Variants in PRR16 observed in about 807,000 individuals in gnomAD.
PRR16 encodes the protein protein Largen.
Under a neutral mutation model 18.2 loss-of-function variants are expected in PRR16, and 6 were observed. The observed-to-expected ratio is 0.33, with a 90% CI of 0.18 to 0.65. The LOEUF is 0.65. Ranked by LOEUF, PRR16 falls within the 30% of genes least tolerant of loss-of-function variation. The probability of loss-of-function intolerance (pLI) is 0.74; values close to 1 mark genes in which losing one functional copy is unlikely to be tolerated. For synonymous variants in PRR16, 151 were observed against 147.8 expected, an observed-to-expected ratio of 1.02 and a Z score of -0.16; for missense variants, 412 against 376.6, an observed-to-expected ratio of 1.09 and a Z score of -0.78.
At chr5:120,701,070 G>A in the PRR16 span, among the ~76,000 whole-genome samples, 5 of 152,210 alleles carry the variant, frequency 3.3e-5, no homozygotes, top group Admixed American at 6.5e-5. Context: ...TCCTGTGGGA[G>A]GAGGTTCTGG....
the PRR16 span, among the ~76,000 whole-genome samples, chr5:120,750,959 C>A: frequency 6.6e-6 from 1 of 152,132 alleles, no homozygotes; most frequent in African/African-American, 2.4e-5. Flanking sequence ...CATTTTCCAG[C>A]CACTGGTAAC....
At chr5:120,733,993 G>GA in the PRR16 span, among the ~76,000 whole-genome samples, 17 of 150,794 alleles carry the variant, frequency 1.1e-4, no homozygotes, top group African/African-American at 3.2e-4. Context: ...TGTGTAGGCA[G>GA]AAAAAAAAAT....
chr5:120,586,465 C>G (rs568562825), intron 1 of PRR16, among the ~76,000 whole-genome samples: 189 of 152,178 alleles, frequency 1.2e-3, no homozygotes, highest in Admixed American at 2.6e-3. Flanking sequence ...AACCCTGTGT[C>G]TAGCAAATTT....
intron 1 of PRR16, among the ~76,000 whole-genome samples, chr5:120,502,427 T>C (rs1190051409): frequency 6.6e-6 from 1 of 151,324 alleles, no homozygotes; most frequent in Non-Finnish European, 1.5e-5. Context: ...TAATAGTCAC[T>C]CAAGGGTTAA....
chr5:120,553,585 T>G (rs549932451), intron 1 of PRR16, among the ~76,000 whole-genome samples: 1 of 152,070 alleles, frequency 6.6e-6, no homozygotes, highest in South Asian at 2.1e-4. Flanking sequence ...AGAGAGATTT[T>G]AAAGCCAAAC....
chr5:120,534,312 A>G (rs1265075654), intron 1 of PRR16, among the ~76,000 whole-genome samples: 3 of 152,136 alleles, frequency 2.0e-5, no homozygotes, highest in Admixed American at 6.5e-5. Context: ...ACACACATCT[A>G]TTGGTTTTTG....
the PRR16 span, among the ~76,000 whole-genome samples, chr5:120,760,958 C>T: frequency 6.6e-6 from 1 of 152,020 alleles, no homozygotes; most frequent in Non-Finnish European, 1.5e-5. Flanking sequence ...AGTTGCTTGT[C>T]CTACAGTTCT....
intron 1 of PRR16, among the ~76,000 whole-genome samples, chr5:120,570,530 G>A (rs1157388680): frequency 6.6e-6 from 1 of 152,092 alleles, no homozygotes; most frequent in South Asian, 2.1e-4. Flanking sequence ...TTACATGCAA[G>A]TACCCAGGAT....
the PRR16 span, among the ~76,000 whole-genome samples, chr5:120,766,826 A>C: frequency 6.6e-6 from 1 of 151,966 alleles, no homozygotes; most frequent in African/African-American, 2.4e-5. Context: ...AATGCCAGTA[A>C]ATGAAAAAAA....
chr5:120,539,876 T>C (rs1458449451), intron 1 of PRR16, among the ~76,000 whole-genome samples: 1 of 152,072 alleles, frequency 6.6e-6, no homozygotes, highest in Non-Finnish European at 1.5e-5. Flanking sequence ...ACATGTGTAA[T>C]GGTAGAGATG....
At chr5:120,653,750 C>G (rs545683578) in intron 1 of PRR16, among the ~76,000 whole-genome samples, 218 of 152,064 alleles carry the variant, frequency 1.4e-3, no homozygotes, top group Non-Finnish European at 2.5e-3. Context: ...TGATGCATTT[C>G]TCCAGTCCCT....
chr5:120,731,028 A>G, the PRR16 span, among the ~76,000 whole-genome samples: 3 of 152,150 alleles, frequency 2.0e-5, no homozygotes, highest in African/African-American at 7.2e-5. Flanking sequence ...ACACCAGAAC[A>G]GGATTGTCTT....
chr5:120,495,725 A>T (rs1300344714), intron 1 of PRR16, among the ~76,000 whole-genome samples: 1 of 152,016 alleles, frequency 6.6e-6, no homozygotes, highest in Non-Finnish European at 1.5e-5. Flanking sequence ...TCTATTATTT[A>T]GGATATTTTA....
chr5:120,554,881 G>C (rs1752362142), intron 1 of PRR16, among the ~76,000 whole-genome samples: 1 of 151,892 alleles, frequency 6.6e-6, no homozygotes, highest in Non-Finnish European at 1.5e-5. Flanking sequence ...CACAGCAGAA[G>C]CAGCTACAGC....
chr5:120,529,361 T>C (rs1751471161), intron 1 of PRR16, among the ~76,000 whole-genome samples: 1 of 152,162 alleles, frequency 6.6e-6, no homozygotes, highest in African/African-American at 2.4e-5. Flanking sequence ...TTTCTGATAG[T>C]GTTCAACAAT....
At chr5:120,472,931 T>C (rs1239252459) in intron 1 of PRR16, among the ~76,000 whole-genome samples, 2 of 152,194 alleles carry the variant, frequency 1.3e-5, no homozygotes, top group Admixed American at 6.5e-5. Flanking sequence ...TCAGAACTCA[T>C]TGTAAATTAA....
chr5:120,675,343 G>A (rs980006043), intron 1 of PRR16, among the ~76,000 whole-genome samples: 1 of 152,144 alleles, frequency 6.6e-6, no homozygotes, highest in Non-Finnish European at 1.5e-5. Flanking sequence ...TTTTTTTAAG[G>A]TTATTAGCTG....
chr5:120,727,161 T>G, the PRR16 span, among the ~76,000 whole-genome samples: 2 of 152,066 alleles, frequency 1.3e-5, no homozygotes, highest in Admixed American at 1.3e-4. Context: ...TTTCTTTTAC[T>G]TTTTTCTCTT....
the PRR16 span, among the ~76,000 whole-genome samples, chr5:120,780,119 CTA>C: frequency 6.6e-6 from 1 of 152,156 alleles, no homozygotes; most frequent in Admixed American, 6.5e-5. Flanking sequence ...GTCTCAAAAA[CTA>C]TCTTGTACAG....
Sources: gnomAD v4.1 joint callset for allele counts (sites outside exome capture counted in the v4.1 genomes callset) on GRCh38, gnomAD v4.1.1 for gene constraint, MANE v1.5 for transcripts, NCBI Gene and HGNC (gene_info 2026-07-23, HGNC 2026-07-21) for gene names.